GPD2: variants seen among roughly 807,000 people sequenced by gnomAD.
GPD2 encodes the protein glycerol-3-phosphate dehydrogenase 2.
In GPD2, 54 loss-of-function variants were observed where a neutral mutation model predicts 82.4. The ratio of observed to expected loss-of-function variants is 0.66; its 90% CI spans 0.53 to 0.82. The LOEUF (loss-of-function observed/expected upper bound fraction) is 0.82. GPD2 is among the 40% of genes least tolerant of loss of function. The pLI is 0.00. For synonymous variants in GPD2, 288 were observed against 306.1 expected, an observed-to-expected ratio of 0.94 and a Z score of 0.62; for missense variants, 748 against 896.2, an observed-to-expected ratio of 0.83 and a Z score of 2.11.
intron 1 of GPD2, among the ~76,000 whole-genome samples, chr2:156,444,693 A>G (rs936715314): frequency 6.7e-6 from 1 of 150,244 alleles, no homozygotes; most frequent in Admixed American, 6.7e-5. Flanking sequence ...AGCCTGGGCA[A>G]CGGAACAAGA....
At chr2:156,434,820 A>T (rs960578737), upstream of GPD2, among the ~76,000 whole-genome samples, 2 of 152,206 alleles carry the variant, frequency 1.3e-5, no homozygotes, top group Non-Finnish European at 2.9e-5. Flanking sequence ...GCTCAGCCCC[A>T]GCCCCAGAGT....
chr2:156,408,968 C>T, the GPD2 span, among the ~76,000 whole-genome samples: 17 of 152,170 alleles, frequency 1.1e-4, no homozygotes, highest in African/African-American at 4.1e-4. Context: ...GACCCTAATC[C>T]AATAGGACTG....
intron 1 of GPD2, among the ~76,000 whole-genome samples, chr2:156,472,965 G>A (rs774950304): frequency 3.9e-5 from 6 of 152,160 alleles, no homozygotes; most frequent in Non-Finnish European, 8.8e-5. Flanking sequence ...GAAATGAGCT[G>A]ATGTGTATAA....
rs761600581 is a variant in GPD2, at chr2:156,496,195, C to T, written c.254C>T (p.Ala85Val). Residue 85 changes from alanine to valine, a missense_variant, in exon 3 of 17, where the codon GCG becomes GTG. By Grantham distance (64) the Ala-to-Val change is moderately conservative (BLOSUM62 0). Around this residue, in one of 3 missense-constraint regions of GPD2, gnomAD observed 692 missense variants for 809.7 expected, o/e 0.85. Transcript: ENST00000438166. Reference sequence around the variant, plus strand: ...GGAGGAGCAACAGGAAGTGGCTGTGCGCTAGATGCTGTCACCAGAGGTAAG... The same window carrying T: ...GGAGGAGCAACAGGAAGTGGCTGTGTGCTAGATGCTGTCACCAGAGGTAAG... ...IGGGATGSGCALDAVTRGLKT... is the reference protein window; with the variant it reads ...IGGGATGSGCVLDAVTRGLKT... 43 of 1,609,936 alleles carry T rather than the reference C, an allele frequency of 2.7e-5. No individual in the cohort carries two copies. Among genetic ancestry groups the T allele is most frequent in the Non-Finnish European group, 3.6e-5 (42 of 1,176,630 alleles).
At chr2:156,465,904 G>A (rs1011399125) in intron 1 of GPD2, among the ~76,000 whole-genome samples, 11 of 152,144 alleles carry the variant, frequency 7.2e-5, no homozygotes, top group African/African-American at 2.7e-4. Flanking sequence ...CAGATTTAAA[G>A]TTTTTCTCCC....
the GPD2 span, among the ~76,000 whole-genome samples, chr2:156,408,320 T>C: frequency 6.6e-6 from 1 of 152,092 alleles, no homozygotes; most frequent in Non-Finnish European, 1.5e-5. Context: ...TTTTATATTG[T>C]TTTGAAATAT....
chr2:156,466,354 AC>A (rs1683149070), intron 1 of GPD2, among the ~76,000 whole-genome samples: 1 of 152,196 alleles, frequency 6.6e-6, no homozygotes, highest in South Asian at 2.1e-4. Context: ...CATAATAGAA[AC>A]TATTCTATTA....
intron 13 of GPD2, among the ~76,000 whole-genome samples, chr2:156,576,321 A>G (rs1687819838): frequency 6.6e-6 from 1 of 152,192 alleles, no homozygotes; most frequent in Non-Finnish European, 1.5e-5. Context: ...ATTGTATTGT[A>G]TGACAAACCG....
At chr2:156,450,682 T>TTTTTTA (rs3055086) in intron 1 of GPD2, among the ~76,000 whole-genome samples, 4 of 112,446 alleles carry the variant, frequency 3.6e-5, no homozygotes, top group South Asian at 3.0e-4. Context: ...TTTTTTTTTT[T>TTTTTTA]ATTGCTCATT....
At chr2:156,463,689 C>G (rs919421803) in intron 1 of GPD2, among the ~76,000 whole-genome samples, 1 of 152,086 alleles carries the variant, frequency 6.6e-6, no homozygotes, top group East Asian at 1.9e-4. Flanking sequence ...TTCCAGAATA[C>G]CCCCTGATGA....
chr2:156,440,426 T>C (rs1228455757), intron 1 of GPD2, among the ~76,000 whole-genome samples: 1 of 152,244 alleles, frequency 6.6e-6, no homozygotes, highest in African/African-American at 2.4e-5. Flanking sequence ...GATGTTTAGA[T>C]AATGATTGTG....
intron 6 of GPD2, among the ~76,000 whole-genome samples, chr2:156,540,057 T>G (rs1686246658): frequency 1.3e-5 from 2 of 152,076 alleles, no homozygotes; most frequent in Admixed American, 6.6e-5. Flanking sequence ...AGAAAAGAAA[T>G]TCTCTGATAG....
At chr2:156,429,931 T>A in the GPD2 span, among the ~76,000 whole-genome samples, 1 of 152,360 alleles carries the variant, frequency 6.6e-6, no homozygotes, top group South Asian at 2.1e-4. Context: ...TTTTAGATAC[T>A]CTATATTAGT....
chr2:156,576,003 A>G (rs375998919), intron 13 of GPD2, among the ~76,000 whole-genome samples: 2 of 152,222 alleles, frequency 1.3e-5, no homozygotes, highest in Non-Finnish European at 2.9e-5. Flanking sequence ...GATTGAAACA[A>G]TGGGTGAAAT....
At chr2:156,581,259 A>G (rs1688014180) in intron 16 of GPD2, among the ~76,000 whole-genome samples, 1 of 152,272 alleles carries the variant, frequency 6.6e-6, no homozygotes, top group Admixed American at 6.5e-5. Context: ...GTGATTTTCA[A>G]CTTTAAAATG....
intron 6 of GPD2, 39 bp from the exon 7 acceptor site, chr2:156,549,569 G>T: frequency 6.3e-7 from 1 of 1,592,902 alleles, no homozygotes; most frequent in South Asian, 1.1e-5. Flanking sequence ...GTGGCTCGAG[G>T]TGACTCCTCT....
At chr2:156,404,856 A>G in the GPD2 span, among the ~76,000 whole-genome samples, 1 of 91,646 alleles carries the variant, frequency 1.1e-5, no homozygotes, top group South Asian at 3.1e-4. Flanking sequence ...TCCGTCTCCA[A>G]AAAAAAAAAA....
In GPD2 at chr2:156,467,477, TTTTG is replaced by T. The variant is rs1482239503; in HGVS notation, c.-8-8614_-8-8611del. On this transcript the variant is annotated intron_variant, in intron 1 of 16. Transcript: ENST00000438166. ...TTTCTCAGTGACTTCGGAAAAGCCT[TTTTG>T]TTTGTTGTTTGATATCCTGTTCAGT... is the stretch of plus-strand genomic sequence containing the variant. Among the ~76,000 whole-genome samples the T allele has an allele frequency of 1.1e-4, 17 of 152,326 alleles. No homozygotes were observed. The South Asian group carries it at 3.5e-3, about 32-fold the overall frequency.
At chr2:156,435,016 CCCA>C (rs1456594676), upstream of GPD2, among the ~76,000 whole-genome samples, 4 of 152,242 alleles carry the variant, frequency 2.6e-5, no homozygotes, top group East Asian at 7.7e-4. Flanking sequence ...GCCCCCTCCC[CCCA>C]ATTTTAATGT....
Sources: allele counts gnomAD v4.1 joint callset (sites outside exome capture counted in the v4.1 genomes callset), GRCh38; gene constraint gnomAD v4.1.1; regional missense constraint gnomAD v4.1.1; transcripts MANE v1.5; gene names NCBI Gene and HGNC (gene_info 2026-07-23, HGNC 2026-07-21).